The following NOL4 variants were observed in gnomAD, a reference collection of about 807,000 sequenced individuals.
NOL4 encodes the protein nucleolar protein 4.
A neutral mutation model predicts 75.9 loss-of-function variants in NOL4; 17 were observed. The ratio of observed to expected loss-of-function variants is 0.22; its 90% CI spans 0.15 to 0.34. NOL4 has a LOEUF of 0.34. Ranked by LOEUF, NOL4 falls within the 10% of genes least tolerant of loss-of-function variation. NOL4 has a pLI of 1.00. For missense variants in NOL4, 614 were observed against 793.5 expected (o/e 0.77, Z 2.72); for synonymous variants, 292 against 289.9 (o/e 1.01, Z -0.07).
At chr18:34,069,983 G>A (rs756008336) in intron 5 of NOL4, among the ~76,000 whole-genome samples, 1 of 152,160 alleles carries the variant, frequency 6.6e-6, no homozygotes, top group Admixed American at 6.5e-5. Context: ...CTCCAGCTTC[G>A]CTATGCCAAC....
intron 1 of NOL4, among the ~76,000 whole-genome samples, chr18:34,203,921 C>T (rs983252897): frequency 6.6e-6 from 1 of 151,942 alleles, no homozygotes; most frequent in Non-Finnish European, 1.5e-5. Flanking sequence ...CTACTTTTGA[C>T]TTTATTTTGA....
intron 9 of NOL4, among the ~76,000 whole-genome samples, chr18:33,920,869 G>A (rs1028871593): frequency 6.6e-6 from 1 of 152,208 alleles, no homozygotes; most frequent in Non-Finnish European, 1.5e-5. Context: ...GCAAAGCAAT[G>A]AGCCCAGAGG....
chr18:33,862,385 A>G (rs1484490120), intron 10 of NOL4, among the ~76,000 whole-genome samples: 1 of 152,216 alleles, frequency 6.6e-6, no homozygotes, highest in Non-Finnish European at 1.5e-5. Flanking sequence ...CTAAAACACC[A>G]AAAGCAATGG....
chr18:34,113,096 A>G (rs1482096305), intron 2 of NOL4, among the ~76,000 whole-genome samples: 6 of 152,078 alleles, frequency 3.9e-5, no homozygotes, highest in African/African-American at 1.2e-4. Context: ...CAGCCTCCCA[A>G]TTAGCTAGGA....
intron 2 of NOL4, chr18:34,128,776 A>C (rs74326324): frequency 0.035 from 18,674 of 534,640 alleles, 335 homozygotes; most frequent in African/African-American, 0.054. Context: ...ATGACCCTGG[A>C]AATATAGCAA....
At chr18:33,924,321 G>T (rs2067205400) in intron 9 of NOL4, among the ~76,000 whole-genome samples, 1 of 152,170 alleles carries the variant, frequency 6.6e-6, no homozygotes, top group Non-Finnish European at 1.5e-5. Flanking sequence ...CTGCTCCACT[G>T]CCTACACCCT....
chr18:33,989,038 T>G (rs973818631), intron 6 of NOL4, among the ~76,000 whole-genome samples: 8 of 151,120 alleles, frequency 5.3e-5, no homozygotes, highest in African/African-American at 1.9e-4. Flanking sequence ...CTACAAAAAA[T>G]TAGCCAGGTA....
intron 9 of NOL4, among the ~76,000 whole-genome samples, chr18:33,904,940 G>A (rs2065948527): frequency 6.6e-6 from 1 of 152,068 alleles, no homozygotes; most frequent in Admixed American, 6.6e-5. Flanking sequence ...GACGATAACT[G>A]ACAGAAAAAT....
intron 5 of NOL4, among the ~76,000 whole-genome samples, chr18:34,093,244 T>C (rs1280922641): frequency 6.6e-6 from 1 of 152,186 alleles, no homozygotes; most frequent in African/African-American, 2.4e-5. Context: ...TTATAACCAA[T>C]ATCTGCTTAT....
intron 6 of NOL4, among the ~76,000 whole-genome samples, chr18:33,976,994 T>G (rs1244307348): frequency 1.3e-5 from 2 of 152,164 alleles, no homozygotes; most frequent in Non-Finnish European, 2.9e-5. Context: ...ATAGAATAGT[T>G]TTGTTTCATT....
intron 6 of NOL4, among the ~76,000 whole-genome samples, chr18:33,974,964 T>C (rs956427795): frequency 2.0e-5 from 3 of 152,182 alleles, no homozygotes; most frequent in African/African-American, 7.2e-5. Flanking sequence ...GGTATATACA[T>C]ACAATGGGAT....
At chr18:34,044,289 G>C (rs192762715) in intron 5 of NOL4, among the ~76,000 whole-genome samples, 1 of 151,892 alleles carries the variant, frequency 6.6e-6, no homozygotes, top group African/African-American at 2.4e-5. Context: ...CATATGAAAA[G>C]AAAATAAAAT....
At chr18:34,213,504 G>A (rs2036660879) in intron 1 of NOL4, among the ~76,000 whole-genome samples, 1 of 152,152 alleles carries the variant, frequency 6.6e-6, no homozygotes, top group South Asian at 2.1e-4. Context: ...TGGGCAGGAT[G>A]ATCTCGATCT....
intron 10 of NOL4, among the ~76,000 whole-genome samples, chr18:33,880,126 GTCTT>G (rs2064172614): frequency 6.6e-6 from 1 of 152,002 alleles, no homozygotes; most frequent in African/African-American, 2.4e-5. Flanking sequence ...CATTTGCACT[GTCTT>G]TCTGTGAATT....
intron 8 of NOL4, among the ~76,000 whole-genome samples, chr18:33,949,118 G>T (rs2069033790): frequency 6.6e-6 from 1 of 151,982 alleles, no homozygotes; most frequent in African/African-American, 2.4e-5. Flanking sequence ...GCCCCACTAT[G>T]GGTGTTATGC....
rs142672840 is a variant in NOL4, at chr18:34,081,110, C to T, written c.772+12355G>A. On this transcript the variant is annotated intron_variant, in intron 5 of 10. Coordinates refer to ENST00000261592, the MANE Select transcript of NOL4 (RefSeq NM_003787.5). Reference sequence around the variant, plus strand: ...TCACAATTGTTAGACAGAAAATATGCCTAAGTGGTAACTGATTCTATTATT... The same window carrying T: ...TCACAATTGTTAGACAGAAAATATGTCTAAGTGGTAACTGATTCTATTATT... Among the ~76,000 whole-genome samples the T allele has an allele frequency of 4.8e-4, 73 of 152,234 alleles. 1 individual carries two copies. The East Asian group carries it at 0.012, about 25-fold the overall frequency.
intron 5 of NOL4, among the ~76,000 whole-genome samples, chr18:34,025,704 C>A (rs145221968): frequency 6.6e-6 from 1 of 152,156 alleles, no homozygotes; most frequent in East Asian, 1.9e-4. Context: ...TAATTTAAAC[C>A]TTTTATCTCT....
chr18:34,208,123 T>A (rs1470089849), intron 1 of NOL4, among the ~76,000 whole-genome samples: 1 of 152,162 alleles, frequency 6.6e-6, no homozygotes, highest in Non-Finnish European at 1.5e-5. Context: ...ATCCAGTAGA[T>A]GAAGGGGGCA....
At chr18:34,016,590 T>G (rs2074709590) in intron 6 of NOL4, among the ~76,000 whole-genome samples, 1 of 151,960 alleles carries the variant, frequency 6.6e-6, no homozygotes, top group Non-Finnish European at 1.5e-5. Flanking sequence ...TGCTTACCCC[T>G]CTCCCATACA....
Sources: allele counts gnomAD v4.1 joint callset (sites outside exome capture counted in the v4.1 genomes callset), GRCh38; gene constraint gnomAD v4.1.1; transcripts MANE v1.5; gene names NCBI Gene and HGNC (gene_info 2026-07-23, HGNC 2026-07-21).